Variants in PDPR observed in about 807,000 individuals in gnomAD.
The protein encoded by PDPR is pyruvate dehydrogenase phosphatase regulatory subunit, also known as pyruvate dehydrogenase phosphatase regulatory subunit, mitochondrial.
PDPR carries 50 observed loss-of-function variants against 102.2 expected under a neutral mutation model. The observed-to-expected ratio is 0.49, with a 90% CI of 0.39 to 0.62. The LOEUF (loss-of-function observed/expected upper bound fraction) is 0.62. Among genes scored for constraint, PDPR ranks in the 20% least tolerant of loss-of-function variants. The pLI is 0.00. For missense variants in PDPR, 625 were observed against 1,098.2 expected, an observed-to-expected ratio of 0.57 and a Z score of 6.09; for synonymous variants, 259 against 406.0, an observed-to-expected ratio of 0.64 and a Z score of 4.35.
intron 6 of PDPR, 53 bp downstream of exon 6, chr16:70,129,175 T>G (rs1402435558): frequency 5.6e-6 from 9 of 1,613,530 alleles, no homozygotes; most frequent in Non-Finnish European, 7.6e-6. Flanking sequence ...AGACATTACC[T>G]AAGGAAGTGT....
intron 8 of PDPR, 72 bp downstream of exon 8, chr16:70,131,491 C>T (rs1427693044): frequency 3.2e-5 from 44 of 1,388,330 alleles, no homozygotes; most frequent in South Asian, 8.8e-5. Flanking sequence ...GGAAAACTTT[C>T]TGCTAAGGAC....
Position 70,161,653 on chromosome 16 carries a change from C to A in PDPR, c.*4774C>A. 6.5e-6 allele frequency: 1 copy of A among 152,768 alleles called. No homozygotes were observed. The highest frequency in any genetic ancestry group is 1.5e-5 in the Non-Finnish European group (1 of 68,268). 9.5% of individuals were successfully genotyped at this position (152,768 alleles called of 1,614,324 possible). On this transcript the variant is annotated 3_prime_UTR_variant, in exon 19 of 19. Coordinates refer to ENST00000288050, the MANE Select transcript of PDPR (RefSeq NM_017990.5). ...AGGCTCCTCCATTGTCAGTACAGGG[C>A]TCGCCTTTGTAGCCCTGATCACTAC...
chr16:70,132,494 A>AGTTAATAG (rs1486040953), intron 9 of PDPR, among the ~76,000 whole-genome samples, 194 bp downstream of exon 9: 1 of 152,248 alleles, frequency 6.6e-6, no homozygotes, highest in Non-Finnish European at 1.5e-5. Context: ...CTAAAATCTT[A>AGTTAATAG]GTTAATAGAC....
At chr16:70,118,690 T>G (rs1011483973) in intron 2 of PDPR, among the ~76,000 whole-genome samples, 4 of 152,004 alleles carry the variant, frequency 2.6e-5, no homozygotes, top group African/African-American at 9.7e-5. Context: ...CAAAGAGAGC[T>G]TGGGCCACGG....
intron 3 of PDPR, among the ~76,000 whole-genome samples, chr16:70,124,245 T>TG (rs1453555048): frequency 6.6e-6 from 1 of 152,100 alleles, no homozygotes; most frequent in African/African-American, 2.4e-5. Context: ...AGCCTGTAAT[T>TG]GTAGCTACTC....
At chr16:70,128,702 T>C in intron 4 of PDPR, 82 bp from the exon 5 acceptor site, 3 of 1,606,870 alleles carry the variant, frequency 1.9e-6, no homozygotes. Context: ...ACAGGTCTTC[T>C]AACCTATAAT....
chr16:70,129,430 C>T (rs140470870), intron 6 of PDPR, among the ~76,000 whole-genome samples: 2,901 of 151,700 alleles, frequency 0.019, 24 homozygotes, highest in African/African-American at 0.066. Context: ...CTGCAACCTT[C>T]GCCTCCTGGG....
intron 15 of PDPR, among the ~76,000 whole-genome samples, chr16:70,145,471 C>G (rs1377612465): frequency 2.0e-5 from 3 of 152,238 alleles, no homozygotes; most frequent in African/African-American, 7.2e-5. Flanking sequence ...TGACTTGGTT[C>G]CCTGATTTTC....
intron 17 of PDPR, among the ~76,000 whole-genome samples, chr16:70,152,066 G>A (rs557264343): frequency 1.3e-5 from 2 of 152,388 alleles, no homozygotes; most frequent in African/African-American, 4.8e-5. Context: ...CTTGAGGTGG[G>A]AGAGTACCAC....
intron 16 of PDPR, among the ~76,000 whole-genome samples, chr16:70,147,896 G>A (rs375623749): frequency 3.4e-4 from 52 of 152,320 alleles, no homozygotes; most frequent in Middle Eastern, 3.4e-3. Flanking sequence ...CTGTGGAAGC[G>A]GTTCACTTCG....
intron 18 of PDPR, 147 bp from the exon 19 acceptor site, chr16:70,156,328 G>T (rs144939337): frequency 7.3e-6 from 7 of 961,756 alleles, no homozygotes; most frequent in Non-Finnish European, 3.0e-6. Context: ...GGTAGAAATC[G>T]CACAGTTTCC....
At chr16:70,138,657 T>C (rs534648528) in intron 10 of PDPR, among the ~76,000 whole-genome samples, 1 of 152,384 alleles carries the variant, frequency 6.6e-6, no homozygotes, top group South Asian at 2.1e-4. Flanking sequence ...CTGGCTGGCT[T>C]CTATGTTAAA....
At chr16:70,119,569 TG>T (rs1398547249) in intron 2 of PDPR, among the ~76,000 whole-genome samples, 1 of 148,616 alleles carries the variant, frequency 6.7e-6, no homozygotes, top group African/African-American at 2.6e-5. Context: ...TTTTTGTTCT[TG>T]GTCTGTCTTA....
At chr16:70,154,205 G>A (rs1343939631) in intron 18 of PDPR, among the ~76,000 whole-genome samples, 1 of 152,182 alleles carries the variant, frequency 6.6e-6, no homozygotes, top group East Asian at 1.9e-4. Flanking sequence ...GCCAGCACCT[G>A]TAGTTCCAGC....
Position 70,142,299 on chromosome 16 carries a change from CCT to C in PDPR, c.1386_1387del (p.Tyr463ArgfsTer17), listed in dbSNP as rs1965797909. ...FQTGRQLRTS[P>X]LYDRLDAQGA... The stretch of plus-strand genomic sequence containing the variant: ...GACCGGTAGGCAGTTACGCACCTCT[CCT>C]CTCTACGACCGGCTGGATGCACAGG... On this transcript the variant is annotated frameshift_variant, in exon 12 of 19. Transcript: ENST00000288050. LOFTEE classifies it high-confidence loss of function. The C allele has an allele frequency of 6.2e-7, 1 of 1,613,900 alleles. No individual in the cohort carries two copies. Among genetic ancestry groups the C allele is most frequent in the Non-Finnish European group, 8.5e-7 (1 of 1,179,858 alleles).
intron 17 of PDPR, among the ~76,000 whole-genome samples, chr16:70,151,473 T>G (rs1966735890): frequency 6.6e-6 from 1 of 152,296 alleles, no homozygotes; most frequent in South Asian, 2.1e-4. Flanking sequence ...CTCAGAAGTA[T>G]TACAACAATA....
At chr16:70,135,803 C>G (rs1337209188) in intron 9 of PDPR, among the ~76,000 whole-genome samples, 1 of 152,256 alleles carries the variant, frequency 6.6e-6, no homozygotes, top group Non-Finnish European at 1.5e-5. Flanking sequence ...CGCAGTGGTT[C>G]ACACCTATAA....
chr16:70,141,088 C>G (rs1254434195), intron 11 of PDPR, among the ~76,000 whole-genome samples: 4 of 152,120 alleles, frequency 2.6e-5, no homozygotes, highest in Admixed American at 2.6e-4. Flanking sequence ...CAGTCTTGCT[C>G]TATTGCCCAG....
At position 70,156,736 on chromosome 16, in the gene PDPR, G is replaced by C. The variant is rs1434356184; in HGVS notation, c.2497G>C (p.Asp833His). Residue 833 changes from aspartate (D) to histidine (H), a missense_variant, in exon 19 of 19, where the codon GAT becomes CAT. Physicochemically the swap from Asp to His is moderately conservative, Grantham distance 81 (BLOSUM62 -1). Transcript: ENST00000288050. ...GGGGGAAGAGCAAGTGGTGACAGCA[G>C]ATTTCATCAACCGGGGAGAGTATGA... ...DTGEEQVVTA[D>H]FINRGEYEID... is the part of the protein sequence containing the mutation. The C allele has an allele frequency of 6.2e-7, 1 of 1,614,118 alleles. No individual in the cohort carries two copies. Among genetic ancestry groups the C allele is most frequent in the Admixed American group, 1.7e-5 (1 of 60,038 alleles).
Sources: allele counts gnomAD v4.1 joint callset (sites outside exome capture counted in the v4.1 genomes callset), GRCh38; gene constraint gnomAD v4.1.1; transcripts MANE v1.5; gene names NCBI Gene and HGNC (gene_info 2026-07-23, HGNC 2026-07-21).